The following UTRN variants were observed in gnomAD, a reference collection of about 807,000 sequenced individuals.
UTRN encodes the protein utrophin.
A neutral mutation model predicts 463.9 loss-of-function variants in UTRN; 283 were observed. The observed-to-expected ratio is 0.61, with a 90% confidence interval of 0.55 to 0.67. UTRN has a LOEUF of 0.67. Ranked by LOEUF, UTRN falls within the 30% of genes least tolerant of loss-of-function variation. UTRN has a pLI of 0.00. For synonymous variants in UTRN, 1,442 were observed against 1,431.5 expected, an observed-to-expected ratio of 1.01 and a Z score of -0.17; for missense variants, 3,922 against 4,084.3, an observed-to-expected ratio of 0.96 and a Z score of 1.08.
intron 51 of UTRN, among the ~76,000 whole-genome samples, chr6:144,658,253 A>T (rs1163999977): frequency 6.6e-6 from 1 of 152,266 alleles, no homozygotes; most frequent in Non-Finnish European, 1.5e-5. Context: ...TTATGAAAAA[A>T]TAATGAAAAT....
At chr6:144,655,309 T>G (rs1280347684) in intron 51 of UTRN, among the ~76,000 whole-genome samples, 2 of 152,246 alleles carry the variant, frequency 1.3e-5, no homozygotes, top group African/African-American at 2.4e-5. Context: ...TATGGACTGG[T>G]CTCTCCCTAA....
intron 21 of UTRN, among the ~76,000 whole-genome samples, chr6:144,460,782 C>G (rs539562311): frequency 6.6e-6 from 1 of 152,158 alleles, no homozygotes; most frequent in Non-Finnish European, 1.5e-5. Context: ...TCCATATAAT[C>G]TCCTCCACTC....
chr6:144,507,697 T>C (rs1794801067), intron 34 of UTRN, among the ~76,000 whole-genome samples: 1 of 152,172 alleles, frequency 6.6e-6, no homozygotes, highest in Non-Finnish European at 1.5e-5. Context: ...TAGGTGTCTG[T>C]TGACCCCTGC....
chr6:144,793,722 TC>T, intron 62 of UTRN, 111 bp from the exon 63 acceptor site: 1 of 1,316,684 alleles, frequency 7.6e-7, no homozygotes, highest in Admixed American at 2.4e-5. Flanking sequence ...CAGATTCATG[TC>T]CTTCTGAAAT....
chr6:144,295,398 A>G (rs1430333281), intron 2 of UTRN, among the ~76,000 whole-genome samples: 1 of 152,224 alleles, frequency 6.6e-6, no homozygotes, highest in Non-Finnish European at 1.5e-5. Context: ...AGGGCTAAGG[A>G]CAGTGTGTCA....
intron 2 of UTRN, among the ~76,000 whole-genome samples, chr6:144,340,483 G>C (rs1017923663): frequency 3.9e-5 from 6 of 152,168 alleles, no homozygotes; most frequent in African/African-American, 1.4e-4. Flanking sequence ...GAGAGGATTA[G>C]TTTCTGAATT....
In UTRN at chr6:144,717,876, C is replaced by G. The variant is rs1786681256; in HGVS notation, c.7810-12481C>G. 2.6e-5 allele frequency among the ~76,000 whole-genome samples: 4 copies of G among 151,834 alleles called. No homozygotes were observed. The South Asian group carries it at 8.3e-4, about 32-fold the overall frequency. On this transcript the variant is annotated intron_variant, in intron 53 of 74. Coordinates refer to ENST00000367545, the MANE Select transcript of UTRN (RefSeq NM_007124.3). ...GGTCTCGAACTCCTGACCTCATGAT[C>G]CACCCGCCTCAGCCTCCCAAAGTGC...
At chr6:144,320,185 G>A (rs1384815103) in intron 2 of UTRN, among the ~76,000 whole-genome samples, 1 of 152,196 alleles carries the variant, frequency 6.6e-6, no homozygotes, top group Non-Finnish European at 1.5e-5. Context: ...AAATTCTGCA[G>A]ACTCGGATAA....
At chr6:144,780,308 A>G (rs551238562) in intron 60 of UTRN, among the ~76,000 whole-genome samples, 5 of 152,286 alleles carry the variant, frequency 3.3e-5, no homozygotes, top group African/African-American at 1.2e-4. Context: ...AAAGTTAAAT[A>G]TATAACATAT....
At chr6:144,813,353 T>G (rs901792742) in intron 65 of UTRN, among the ~76,000 whole-genome samples, 2 of 151,998 alleles carry the variant, frequency 1.3e-5, no homozygotes, top group Non-Finnish European at 2.9e-5. Flanking sequence ...CACGCCCAGC[T>G]AATTTTTGCA....
chr6:144,469,860 T>C (rs1349111870), intron 23 of UTRN, among the ~76,000 whole-genome samples: 4 of 151,994 alleles, frequency 2.6e-5, no homozygotes, highest in African/African-American at 9.7e-5. Flanking sequence ...CCTTCCGCAG[T>C]GTTTGTGTCC....
chr6:144,423,470 G>A, intron 4 of UTRN, 79 bp from the exon 5 acceptor site: 1 of 1,410,864 alleles, frequency 7.1e-7, no homozygotes. Context: ...CTTCACTTCT[G>A]TGTGTATCTC....
intron 56 of UTRN, among the ~76,000 whole-genome samples, chr6:144,753,995 G>A (rs1404493905): frequency 6.6e-6 from 1 of 152,094 alleles, no homozygotes; most frequent in Non-Finnish European, 1.5e-5. Flanking sequence ...AAATTTGGAG[G>A]AAAATAAGAT....
At chr6:144,692,020 T>C (rs1221680428) in intron 52 of UTRN, among the ~76,000 whole-genome samples, 1 of 152,154 alleles carries the variant, frequency 6.6e-6, no homozygotes, top group African/African-American at 2.4e-5. Flanking sequence ...ATAGTTATTT[T>C]TCCTGATCCT....
intron 73 of UTRN, among the ~76,000 whole-genome samples, chr6:144,845,544 T>G (rs909420968): frequency 3.9e-5 from 6 of 152,224 alleles, no homozygotes; most frequent in Admixed American, 1.3e-4. Context: ...ACCCATAGCC[T>G]TTTATTTGAT....
intron 2 of UTRN, among the ~76,000 whole-genome samples, chr6:144,339,608 A>G (rs1248837220): frequency 2.6e-5 from 4 of 152,216 alleles, no homozygotes; most frequent in Middle Eastern, 6.8e-3. Flanking sequence ...TCAAGATAAA[A>G]CTTTGAAAAA....
chr6:144,732,898 T>G (rs1788913661), intron 54 of UTRN, among the ~76,000 whole-genome samples: 1 of 152,262 alleles, frequency 6.6e-6, no homozygotes, highest in African/African-American at 2.4e-5. Flanking sequence ...AGATGGAATC[T>G]CATTGTGTTG....
intron 51 of UTRN, among the ~76,000 whole-genome samples, chr6:144,673,975 A>C (rs745617715): frequency 6.6e-6 from 1 of 152,174 alleles, no homozygotes; most frequent in Non-Finnish European, 1.5e-5. Context: ...TAAGACCCCA[A>C]TCCCTTCTGG....
intron 52 of UTRN, among the ~76,000 whole-genome samples, chr6:144,683,576 G>C (rs1185289681): frequency 6.6e-6 from 1 of 152,068 alleles, no homozygotes; most frequent in African/African-American, 2.4e-5. Context: ...TGCACAATCT[G>C]CTCCTTATAC....
Sources: gnomAD v4.1 joint callset for allele counts (sites outside exome capture counted in the v4.1 genomes callset) on GRCh38, gnomAD v4.1.1 for gene constraint, MANE v1.5 for transcripts, NCBI Gene and HGNC (gene_info 2026-07-23, HGNC 2026-07-21) for gene names.